Variants in SETD5 observed in about 807,000 individuals in gnomAD.
SETD5 encodes the protein SET domain containing 5.
Under a neutral mutation model 153.3 loss-of-function variants are expected in SETD5, and 44 were observed. The observed-to-expected ratio is 0.29, with a 90% CI of 0.23 to 0.37. The LOEUF (loss-of-function observed/expected upper bound fraction) is 0.37. SETD5 is among the 10% of genes least tolerant of loss of function. SETD5 has a pLI of 1.00. For missense variants in SETD5, 1,544 were observed against 1,768.0 expected, an observed-to-expected ratio of 0.87 and a Z score of 2.27; for synonymous variants, 716 against 645.2, an observed-to-expected ratio of 1.11 and a Z score of -1.66.
intron 17 of SETD5, among the ~76,000 whole-genome samples, chr3:9,462,829 G>A (rs554485573): frequency 5.9e-5 from 9 of 152,106 alleles, no homozygotes; most frequent in African/African-American, 2.2e-4. Flanking sequence ...TTAATATGGG[G>A]ATGATAATAA....
intron 3 of SETD5, chr3:9,431,162 T>G (rs1011310936): frequency 2.0e-6 from 2 of 985,336 alleles, no homozygotes; most frequent in African/African-American, 3.5e-5. Context: ...ACGCATTTAT[T>G]TTTGTGTGTG....
rs756583540 is a variant in SETD5 at position 9,447,258 on chromosome 3, G to A, written c.1733G>A (p.Ser578Asn). The change falls in exon 14 of 23, where the codon AGC becomes AAC. Residue 578 changes from serine to asparagine, a missense_variant. Transcript: ENST00000402198. ...TCTGTTTCAAATGTTACCATCCCAA[G>A]CACCCCACAGAGTGTTGGTGTGAAT... ...SNSVSNVTIP[S>N]TPQSVGVNTR... 2.5e-6 allele frequency: 4 copies of A among 1,614,026 alleles called. No individual in the cohort carries two copies. Among genetic ancestry groups the A allele is most frequent in the Non-Finnish European group, 3.4e-6 (4 of 1,179,892 alleles).
chr3:9,445,346 A>G (rs2041808264), intron 12 of SETD5, 46 bp downstream of exon 12: 2 of 1,576,626 alleles, frequency 1.3e-6, no homozygotes, highest in Non-Finnish European at 8.6e-7. Flanking sequence ...TCAATCCTCC[A>G]AAGGAAGAGG....
At chr3:9,426,086 C>T (rs2039158335) in intron 2 of SETD5, 1 of 151,988 alleles carries the variant, frequency 6.6e-6, no homozygotes, top group Admixed American at 6.6e-5. Flanking sequence ...TTATCATTTA[C>T]AGATTTTACT....
intron 1 of SETD5, among the ~76,000 whole-genome samples, chr3:9,419,153 A>G (rs771444286): frequency 3.9e-5 from 6 of 152,128 alleles, no homozygotes; most frequent in Non-Finnish European, 5.9e-5. Flanking sequence ...CTCCCCCTTC[A>G]TGGTTGTATA....
Position 9,430,002 on chromosome 3 carries a change from T to C in SETD5, c.71+993T>C, listed in dbSNP as rs1446082680. 4 of 1,241,842 alleles carry C rather than the reference T, an allele frequency of 3.2e-6. No individual in the cohort carries two copies. The African/African-American group carries it at 4.7e-5, about 15-fold the overall frequency. The allele number at this position is 1,241,842 out of a possible 1,614,324, so 76.9% of individuals were successfully genotyped here. A position where few individuals can be genotyped will look rare whatever the true frequency, so the allele number is the denominator to read the frequency against. Reference sequence around the variant, plus strand: ...TGGAAAAATCCTGGTGTTTTGAATATGTTCAGGTCCAGTTCAGACTCTTGA... The same window carrying C: ...TGGAAAAATCCTGGTGTTTTGAATACGTTCAGGTCCAGTTCAGACTCTTGA... On this transcript the variant is annotated intron_variant, in intron 3 of 22. Transcript: ENST00000402198.
chr3:9,446,785 C>G (rs2125266940), intron 13 of SETD5, among the ~76,000 whole-genome samples: 1 of 152,270 alleles, frequency 6.6e-6, no homozygotes, highest in African/African-American at 2.4e-5. Context: ...GCCACTGCAC[C>G]CATCCTGTTT....
intron 3 of SETD5, chr3:9,433,586 G>A: frequency 7.8e-7 from 1 of 1,286,510 alleles, no homozygotes; most frequent in East Asian, 4.7e-5. Context: ...TGTCATTAGG[G>A]ACACCTTGTA....
At chr3:9,425,063 T>TTTTTTTTGTTTTTG (rs2038969592) in intron 2 of SETD5, among the ~76,000 whole-genome samples, 1 of 144,632 alleles carries the variant, frequency 6.9e-6, no homozygotes, top group African/African-American at 2.6e-5. Context: ...TTCTTTTTTT[T>TTTTTTTTGTTTTTG]TTTTTTTTTT....
At chr3:9,430,496 T>A (rs181059563) in intron 3 of SETD5, 1 of 310,728 alleles carries the variant, frequency 3.2e-6, no homozygotes, top group East Asian at 1.7e-4. Context: ...TAACTGAGAC[T>A]TACTTAACCA....
At chr3:9,400,724 A>G (rs1420414789) in intron 1 of SETD5, among the ~76,000 whole-genome samples, 3 of 152,214 alleles carry the variant, frequency 2.0e-5, no homozygotes, top group Non-Finnish European at 4.4e-5. Context: ...CTTTGGCCAT[A>G]ATCCATCTGA....
intron 17 of SETD5, among the ~76,000 whole-genome samples, chr3:9,458,276 T>C (rs1047759832): frequency 6.6e-6 from 1 of 152,160 alleles, no homozygotes; most frequent in African/African-American, 2.4e-5. Flanking sequence ...TACTAGGTCC[T>C]TTGCCAAAGA....
At chr3:9,427,739 A>G (rs2039474736) in intron 2 of SETD5, among the ~76,000 whole-genome samples, 2 of 152,098 alleles carry the variant, frequency 1.3e-5, no homozygotes. Context: ...TGACATTCAC[A>G]TTGACTTTAT....
At chr3:9,463,544 C>T (rs371133640) in intron 17 of SETD5, among the ~76,000 whole-genome samples, 1 of 152,090 alleles carries the variant, frequency 6.6e-6, no homozygotes, top group African/African-American at 2.4e-5. Flanking sequence ...TTAAGTGGAT[C>T]TAAGAAGTAC....
At chr3:9,412,861 A>T (rs931016128) in intron 1 of SETD5, among the ~76,000 whole-genome samples, 5 of 151,496 alleles carry the variant, frequency 3.3e-5, no homozygotes, top group African/African-American at 1.2e-4. Flanking sequence ...TGTCGATACT[A>T]GATAATGAAT....
chr3:9,468,863 T>C (rs768090566), intron 18 of SETD5, among the ~76,000 whole-genome samples: 11 of 151,952 alleles, frequency 7.2e-5, no homozygotes, highest in African/African-American at 2.2e-4. Flanking sequence ...AGGGGGTGGC[T>C]GGAGTTCTAT....
chr3:9,473,345 G>T lies in SETD5; in HGVS notation c.3305G>T (p.Gly1102Val), dbSNP rs763111545. ...AGCAAGTCTGCAGGAGCTGGGCAAG[G>T]CAGCAGTAACTCCGTTTCCGACACT... ...SKSKSAGAGQGSSNSVSDTGA... is the reference protein window; with the variant it reads ...SKSKSAGAGQVSSNSVSDTGA... Residue 1102 changes from glycine to valine, a missense_variant, in exon 20 of 23, where the codon GGC becomes GTC. Gly to Val is a moderately radical substitution (Grantham distance 109). Around this residue, in one of 9 missense-constraint regions of SETD5, gnomAD observed 93 missense variants for 93.4 expected, o/e 1.00. Coordinates refer to ENST00000402198, the MANE Select transcript of SETD5 (RefSeq NM_001080517.3). 2 of 1,613,986 alleles carry T rather than the reference G, an allele frequency of 1.2e-6. No individual in the cohort carries two copies. The highest frequency in any genetic ancestry group is 4.5e-5 in the East Asian group (2 of 44,874).
At chr3:9,450,872 T>G (rs58803356) in intron 16 of SETD5, among the ~76,000 whole-genome samples, 4,350 of 152,300 alleles carry the variant, frequency 0.029, 200 homozygotes, top group African/African-American at 0.099. Flanking sequence ...CTTATGCTAT[T>G]TATTTTTATT....
In SETD5 at chr3:9,475,586, G is replaced by T; in HGVS notation, c.3824G>T (p.Arg1275Leu). ...HPTQSPGYSY[R>L]TTALRPGNPP... ...ACACAGTCTCCAGGATACAGTTATC[G>T]AACTACTGCACTGAGACCTGGAAAC... Residue 1275 changes from arginine (R) to leucine (L), a missense_variant, in exon 23 of 23, where the codon CGA becomes CTA. By Grantham distance (102) the Arg-to-Leu change is moderately radical. This residue lies in a region of SETD5 where 302 missense variants were observed against 277.6 expected (regional missense o/e 1.09). Transcript: ENST00000402198. 4 of 1,613,760 alleles carry T rather than the reference G, an allele frequency of 2.5e-6. No homozygotes were observed. The highest frequency in any genetic ancestry group is 3.4e-6 in the Non-Finnish European group (4 of 1,179,876).
Sources: allele counts gnomAD v4.1 joint callset (sites outside exome capture counted in the v4.1 genomes callset), GRCh38; gene constraint gnomAD v4.1.1; regional missense constraint gnomAD v4.1.1; transcripts MANE v1.5; gene names NCBI Gene and HGNC (gene_info 2026-07-23, HGNC 2026-07-21).